The following TDRD10 variants were observed in gnomAD, a reference collection of about 807,000 sequenced individuals.
TDRD10 encodes tudor domain-containing protein 10.
A neutral mutation model predicts 48.0 loss-of-function variants in TDRD10; 40 were observed. The observed-to-expected ratio is 0.83, with a 90% CI of 0.65 to 1.09. The LOEUF is 1.09. TDRD10 is among the 50% of genes least tolerant of loss of function. The pLI is 0.00. For missense variants in TDRD10, 378 were observed against 434.7 expected (o/e 0.87, Z 1.16); for synonymous variants, 162 against 170.4 (o/e 0.95, Z 0.38).
intron 4 of TDRD10, among the ~76,000 whole-genome samples, chr1:154,510,736 A>G (rs985392004): frequency 6.6e-6 from 1 of 152,100 alleles, no homozygotes; most frequent in Non-Finnish European, 1.5e-5. Context: ...CATCTACTAC[A>G]GTAGCCAGTA....
chr1:154,510,543 G>C (rs1693403466), intron 4 of TDRD10, among the ~76,000 whole-genome samples: 1 of 152,032 alleles, frequency 6.6e-6, no homozygotes, highest in Non-Finnish European at 1.5e-5. Context: ...AGTGAGCCAA[G>C]ATCGTGCCAC....
chr1:154,540,804 G>T (rs1424055432), intron 6 of TDRD10, among the ~76,000 whole-genome samples: 20 of 152,178 alleles, frequency 1.3e-4, no homozygotes. Context: ...ACAAGTCCTG[G>T]GATGTGCCAG....
At chr1:154,534,825 G>T (rs931795731) in intron 6 of TDRD10, among the ~76,000 whole-genome samples, 2 of 150,468 alleles carry the variant, frequency 1.3e-5, no homozygotes, top group Non-Finnish European at 3.0e-5. Flanking sequence ...GGCACAACAC[G>T]CATCCAGGCA....
At chr1:154,542,858 C>A (rs754542605) in intron 8 of TDRD10, 37 bp downstream of exon 8, 2 of 1,533,030 alleles carry the variant, frequency 1.3e-6, no homozygotes, top group Non-Finnish European at 1.8e-6. Flanking sequence ...GGGCAAATGG[C>A]GATTACAGAC....
At position 154,547,757 on chromosome 1, in the gene TDRD10, G is replaced by C. The variant is rs1695689661; in HGVS notation, c.*47G>C. 6.2e-7 allele frequency: 1 copy of C among 1,608,742 alleles called. No homozygotes were observed. Among genetic ancestry groups the C allele is most frequent in the African/African-American group, 1.3e-5 (1 of 74,794 alleles). On this transcript the variant is annotated 3_prime_UTR_variant, in exon 13 of 13. Coordinates refer to ENST00000368482, the MANE Select transcript of TDRD10 (RefSeq NM_182499.4). ...CCCTCTCCTGTTTGCCACGGATCCA[G>C]AGGCCACCTGCCCTGTCTTCTCGTA...
chr1:154,542,776 CAG>C lies in TDRD10; in HGVS notation c.462_463del (p.Lys155ThrfsTer36). ...AAAGCTCCTGTTGACCTGTGTGAGA[CAG>C]AGAAACTGAGGGCAGCCTTCTTTGC... On this transcript the variant is annotated frameshift_variant, in exon 8 of 13. Coordinates refer to ENST00000368482, the MANE Select transcript of TDRD10 (RefSeq NM_182499.4). LOFTEE classifies it high-confidence loss of function. The C allele has an allele frequency of 1.9e-6, 3 of 1,613,978 alleles. No individual in the cohort carries two copies. The highest frequency in any genetic ancestry group is 1.3e-5 in the African/African-American group (1 of 75,030).
rs537587983 is a variant in TDRD10 at position 154,547,960 on chromosome 1, G to T, written c.*250G>T. On this transcript the variant is annotated 3_prime_UTR_variant, in exon 13 of 13. Coordinates refer to ENST00000368482, the MANE Select transcript of TDRD10 (RefSeq NM_182499.4). Reference sequence around the variant, plus strand: ...AACCAAACATAGGAAACTACCATTAGGTTGAAAGCCTGAGGCAGCTGGGAT... The same window carrying T: ...AACCAAACATAGGAAACTACCATTATGTTGAAAGCCTGAGGCAGCTGGGAT... The T allele has an allele frequency of 4.7e-5, 27 of 571,184 alleles. No individual in the cohort carries two copies. The highest frequency in any genetic ancestry group is 7.7e-5 in the Non-Finnish European group (25 of 323,728). The allele number at this position is 571,184 out of a possible 1,614,324, so 35.4% of individuals were successfully genotyped here.
intron 4 of TDRD10, among the ~76,000 whole-genome samples, chr1:154,518,678 C>T (rs1693897860): frequency 6.6e-6 from 1 of 152,196 alleles, no homozygotes; most frequent in African/African-American, 2.4e-5. Context: ...ATCTGCCTGC[C>T]TCAGCCTCCC....
chr1:154,544,815 T>C lies in TDRD10; in HGVS notation c.818T>C (p.Val273Ala). The C allele has an allele frequency of 1.2e-6, 2 of 1,614,160 alleles. No homozygotes were observed. Among genetic ancestry groups the C allele is most frequent in the Non-Finnish European group, 1.7e-6 (2 of 1,180,020 alleles). ...AWNRCWVLDR[V>A]DTWAVVMFID... is the part of the protein sequence containing the mutation. Reference sequence around the variant, plus strand: ...GCCAGGTGTTGGGTGCTGGACAGGGTGGACACCTGGGCTGTGGTCATGTTC... The same window carrying C: ...GCCAGGTGTTGGGTGCTGGACAGGGCGGACACCTGGGCTGTGGTCATGTTC... Residue 273 changes from valine to alanine, a missense_variant, in exon 11 of 13, where the codon GTG (valine) becomes GCG (alanine). Physicochemically the swap from Val to Ala is moderately conservative, Grantham distance 64 (BLOSUM62 0). This residue lies in a region of TDRD10 where 68 missense variants were observed against 111.1 expected (regional missense o/e 0.61). Transcript: ENST00000368482.
At position 154,517,325 on chromosome 1, in the gene TDRD10, C is replaced by A. The variant is rs145730500; in HGVS notation, c.142-2979C>A. On this transcript the variant is annotated intron_variant, in intron 4 of 12. Transcript: ENST00000368482. The stretch of plus-strand genomic sequence containing the variant: ...CTCTAGGCAGTAATTTTGGCTGTTA[C>A]AATATTCTTTTGTATGAACCTACCA... Among the ~76,000 whole-genome samples, 47 of 151,648 alleles carry A rather than the reference C, an allele frequency of 3.1e-4. No homozygotes were observed. The East Asian group carries it at 3.7e-3, about 12-fold the overall frequency.
intron 6 of TDRD10, among the ~76,000 whole-genome samples, chr1:154,539,881 G>C (rs1039726939): frequency 1.3e-5 from 2 of 152,120 alleles, no homozygotes; most frequent in Admixed American, 1.3e-4. Flanking sequence ...TCTTAGGGGG[G>C]CCCCCAATGC....
rs1242890574 is a variant in TDRD10, at chr1:154,544,028, A to G, written c.569A>G (p.His190Arg). The G allele has an allele frequency of 6.2e-7, 1 of 1,613,974 alleles. No homozygotes were observed. Among genetic ancestry groups the G allele is most frequent in the African/African-American group, 1.3e-5 (1 of 74,892 alleles). ...GACCTGAGCTGGCTGGCACTCATCC[A>G]TAGCGTCCGTGGGGAGGCGGGGCTG... ...FRDLSWLALI[H>R]SVRGEAGLLV... The change falls in exon 9 of 13, where the codon CAT becomes CGT. Residue 190 changes from histidine (H) to arginine (R), a missense_variant. Physicochemically the swap from His to Arg is conservative, Grantham distance 29. Around this residue, in one of 2 missense-constraint regions of TDRD10, gnomAD observed 310 missense variants for 323.6 expected, o/e 0.96. Transcript: ENST00000368482.
At position 154,547,741 on chromosome 1, in the gene TDRD10, G is replaced by A. The variant is rs1017922917; in HGVS notation, c.*31G>A. ...CTTCCCTCAGCATGTTCCCTCTCCT[G>A]TTTGCCACGGATCCAGAGGCCACCT... is the stretch of plus-strand genomic sequence containing the variant. On this transcript the variant is annotated 3_prime_UTR_variant, in exon 13 of 13. Coordinates refer to ENST00000368482, the MANE Select transcript of TDRD10 (RefSeq NM_182499.4). 9.3e-6 allele frequency: 15 copies of A among 1,612,182 alleles called. No homozygotes were observed. The Admixed American group carries it at 2.5e-4, about 27-fold the overall frequency.
chr1:154,540,860 G>C (rs1695187955), intron 6 of TDRD10, among the ~76,000 whole-genome samples: 1 of 152,358 alleles, frequency 6.6e-6, no homozygotes, highest in South Asian at 2.1e-4. Context: ...AAGAGAAGGA[G>C]AACCAGATAC....
At position 154,543,546 on chromosome 1, in the gene TDRD10, C is replaced by T. The variant is rs143407447; in HGVS notation, c.504-417C>T. ...GGGTGACATTTGGAATGTGCGTAGA[C>T]GCAGGGGAGGAGCAGCTTTGGGATG... is the stretch of plus-strand genomic sequence containing the variant. On this transcript the variant is annotated intron_variant, in intron 8 of 12. Coordinates refer to ENST00000368482, the MANE Select transcript of TDRD10 (RefSeq NM_182499.4). Among the ~76,000 whole-genome samples the T allele has an allele frequency of 1.7e-3, 265 of 152,266 alleles. 2 individuals are homozygous for T. Among genetic ancestry groups the T allele is most frequent in the African/African-American group, 5.4e-3 (224 of 41,532 alleles).
intron 4 of TDRD10, among the ~76,000 whole-genome samples, chr1:154,509,042 T>C (rs1385414012): frequency 6.7e-6 from 1 of 149,666 alleles, no homozygotes; most frequent in Non-Finnish European, 1.5e-5. Context: ...GTATTCGAAA[T>C]ACAGATGAAA....
intron 6 of TDRD10, among the ~76,000 whole-genome samples, chr1:154,522,340 G>A (rs1330488693): frequency 6.6e-6 from 1 of 152,164 alleles, no homozygotes. Flanking sequence ...TAAGTGCACA[G>A]ATGCTGAGAG....
intron 8 of TDRD10, among the ~76,000 whole-genome samples, 179 bp downstream of exon 8, chr1:154,543,000 G>A (rs1695331569): frequency 6.6e-6 from 1 of 152,156 alleles, no homozygotes; most frequent in Non-Finnish European, 1.5e-5. Flanking sequence ...TCCCAGCCGG[G>A]GGCAGTGACT....
At position 154,544,041 on chromosome 1, in the gene TDRD10, G is replaced by A; in HGVS notation, c.582G>A (p.Gly194=). Residue 194 remains glycine (G), a synonymous_variant, in exon 9 of 13, where the codon GGG becomes GGA. Coordinates refer to ENST00000368482, the MANE Select transcript of TDRD10 (RefSeq NM_182499.4). ...SWLALIHSVR[G]EAGLLVTSIV... ...TGGCACTCATCCATAGCGTCCGTGG[G>A]GAGGCGGGGCTGCTGGTGACGAGTA... The A allele has an allele frequency of 1.2e-6, 2 of 1,614,220 alleles. No homozygotes were observed. The highest frequency in any genetic ancestry group is 2.7e-5 in the African/African-American group (2 of 75,054).
Sources: allele counts gnomAD v4.1 joint callset (sites outside exome capture counted in the v4.1 genomes callset), GRCh38; gene constraint gnomAD v4.1.1; regional missense constraint gnomAD v4.1.1; transcripts MANE v1.5; gene names NCBI Gene and HGNC (gene_info 2026-07-23, HGNC 2026-07-21).